HIPK2: variants seen among roughly 807,000 people sequenced by gnomAD.
The protein encoded by HIPK2 is homeodomain-interacting protein kinase 2.
Under a neutral mutation model 113.7 loss-of-function variants are expected in HIPK2, and 27 were observed. That is an observed-to-expected ratio of 0.24 (90% CI 0.17 to 0.33). The LOEUF (loss-of-function observed/expected upper bound fraction) is 0.33. HIPK2 is among the 10% of genes least tolerant of loss of function. The probability of loss-of-function intolerance (pLI) is 1.00; values close to 1 mark genes in which losing one functional copy is unlikely to be tolerated. For synonymous variants in HIPK2, 631 were observed against 642.2 expected (o/e 0.98, Z 0.26); for missense variants, 1,257 against 1,588.0 (o/e 0.79, Z 3.54).
At chr7:139,622,035 A>G (rs1800253226) in intron 6 of HIPK2, among the ~76,000 whole-genome samples, 2 of 152,232 alleles carry the variant, frequency 1.3e-5, no homozygotes, top group African/African-American at 4.8e-5. Context: ...GAGTAAAATA[A>G]AAGTTTTCTA....
intron 12 of HIPK2, 42 bp downstream of exon 12, chr7:139,596,675 C>G: frequency 6.3e-7 from 1 of 1,595,970 alleles, no homozygotes; most frequent in Non-Finnish European, 8.6e-7. Context: ...AATGCAAACC[C>G]TCCCGGCTCC....
rs372315402 is a variant in HIPK2 at position 139,618,231 on chromosome 7, CATA to C, written c.1782+2167_1782+2169del. ...ATGGTACGCTTAGTAAAGCCTGGCA[CATA>C]ATAAGTGTTAGCTATTAGTAATGAT... On this transcript the variant is annotated intron_variant, in intron 7 of 14. Transcript: ENST00000406875. Among the ~76,000 whole-genome samples, 707 of 152,270 alleles carry C rather than the reference CATA, an allele frequency of 4.6e-3. 4 individuals carry two copies. The highest frequency in any genetic ancestry group is 0.016 in the African/African-American group (658 of 41,534).
At chr7:139,676,856 T>G (rs1283851375) in intron 2 of HIPK2, among the ~76,000 whole-genome samples, 1 of 97,932 alleles carries the variant, frequency 1.0e-5, no homozygotes, top group Non-Finnish European at 2.4e-5. Flanking sequence ...GTATTTCTTT[T>G]TTTCTTTTTC....
Position 139,716,142 on chromosome 7 carries a change from A to T in HIPK2, c.893T>A (p.Leu298His), listed in dbSNP as rs369553560. The change falls in exon 2 of 15, where the codon CTC becomes CAC. Residue 298 changes from leucine to histidine, a missense_variant. Transcript: ENST00000406875. The surrounding 1 kb of genome is among the most constrained non-coding windows in gnomAD (Gnocchi z 9.3). ...CTGGAGAACTGGGCGAATGTATTTG[A>T]GGGGCAAGGGGCTAAACTTGTTTTG... ...LKQNKFSPLP[L>H]KYIRPVLQQV... The T allele has an allele frequency of 2.5e-6, 4 of 1,614,000 alleles. No homozygotes were observed. Among genetic ancestry groups the T allele is most frequent in the Non-Finnish European group, 3.4e-6 (4 of 1,179,896 alleles).
In HIPK2 at chr7:139,626,668, G is replaced by C; in HGVS notation, c.1552C>G (p.Pro518Ala). 3 of 1,613,972 alleles carry C rather than the reference G, an allele frequency of 1.9e-6. No homozygotes were observed. The highest frequency in any genetic ancestry group is 2.5e-6 in the Non-Finnish European group (3 of 1,179,882). Residue 518 changes from proline (P) to alanine (A), a missense_variant, in exon 6 of 15, where the codon CCA (proline) becomes GCA (alanine). By Grantham distance (27) the Pro-to-Ala change is conservative (BLOSUM62 -1). Transcript: ENST00000406875. ...LTIDADKRITPIETLNHPFVT... is the reference protein window; with the variant it reads ...LTIDADKRITAIETLNHPFVT... ...AAGGGATGGTTCAGGGTTTCGATTG[G>C]AGTGATTCTCTTGTCAGCATCAATG...
chr7:139,748,106 TA>T (rs1009546949), intron 1 of HIPK2, among the ~76,000 whole-genome samples: 1 of 152,096 alleles, frequency 6.6e-6, no homozygotes, highest in Non-Finnish European at 1.5e-5. Flanking sequence ...TTGCTTTCTC[TA>T]AAAAACTCAG....
intron 7 of HIPK2, among the ~76,000 whole-genome samples, chr7:139,615,105 AG>A (rs1215305168): frequency 6.6e-6 from 1 of 152,208 alleles, no homozygotes; most frequent in Non-Finnish European, 1.5e-5. Context: ...GGACAAATCC[AG>A]GGGGAGGCTC....
intron 7 of HIPK2, among the ~76,000 whole-genome samples, chr7:139,619,982 G>C (rs898739595): frequency 6.6e-6 from 1 of 152,086 alleles, no homozygotes; most frequent in Non-Finnish European, 1.5e-5. Flanking sequence ...GGCTACTCTT[G>C]AACTTCCTGG....
At chr7:139,634,148 A>G (rs1465651768) in intron 2 of HIPK2, among the ~76,000 whole-genome samples, 1 of 151,970 alleles carries the variant, frequency 6.6e-6, no homozygotes, top group African/African-American at 2.4e-5. Context: ...CTTTCCTCAC[A>G]ACTAGAGACT....
chr7:139,745,436 G>T (rs1796173740), intron 1 of HIPK2, among the ~76,000 whole-genome samples: 1 of 152,212 alleles, frequency 6.6e-6, no homozygotes, highest in South Asian at 2.1e-4. Flanking sequence ...ACTCCATGGG[G>T]AACCACTTGA....
At chr7:139,665,392 C>CT (rs1194872347) in intron 2 of HIPK2, among the ~76,000 whole-genome samples, 1 of 152,178 alleles carries the variant, frequency 6.6e-6, no homozygotes, top group Non-Finnish European at 1.5e-5. Context: ...AACCCTTCTT[C>CT]TTTTTTATCT....
rs1206936042 is a variant in HIPK2, at chr7:139,567,167, C to A, written c.*5760G>T. 6.6e-6 allele frequency: 1 copy of A among 152,062 alleles called. No homozygotes were observed. The highest frequency in any genetic ancestry group is 1.5e-5 in the Non-Finnish European group (1 of 68,042). 9.4% of individuals were successfully genotyped at this position (152,062 alleles called of 1,614,324 possible). A position where few individuals can be genotyped will look rare whatever the true frequency, so the allele number is the denominator to read the frequency against. ...TCTGTGGAGATGAGAAGTGAGAGTT[C>A]TAAGGCATCAAAGTGGAAAAGTACT... On this transcript the variant is annotated 3_prime_UTR_variant, in exon 15 of 15. Coordinates refer to ENST00000406875, the MANE Select transcript of HIPK2 (RefSeq NM_022740.5).
At chr7:139,669,489 C>T (rs12667987) in intron 2 of HIPK2, among the ~76,000 whole-genome samples, 2 of 152,004 alleles carry the variant, frequency 1.3e-5, no homozygotes, top group Non-Finnish European at 2.9e-5. Flanking sequence ...TGGTGAATGA[C>T]AAAATGAGAC....
At chr7:139,744,014 T>C (rs550258831) in intron 1 of HIPK2, among the ~76,000 whole-genome samples, 1 of 152,172 alleles carries the variant, frequency 6.6e-6, no homozygotes, top group African/African-American at 2.4e-5. Context: ...ATGGTCAATA[T>C]GCACAGGATG....
At chr7:139,711,551 G>C (rs532194121) in intron 2 of HIPK2, among the ~76,000 whole-genome samples, 44 of 152,118 alleles carry the variant, frequency 2.9e-4, no homozygotes, top group Non-Finnish European at 5.6e-4. Flanking sequence ...CTCTAGACAA[G>C]AATATTTTGA....
At chr7:139,673,885 T>TAAAAAAAAA (rs60905469) in intron 2 of HIPK2, among the ~76,000 whole-genome samples, 4 of 73,454 alleles carry the variant, frequency 5.4e-5, no homozygotes, top group East Asian at 7.5e-4. Context: ...CTATCTGTAC[T>TAAAAAAAAA]AAAAAAAAAA....
At chr7:139,741,563 G>C (rs1796099207) in intron 1 of HIPK2, among the ~76,000 whole-genome samples, 1 of 152,178 alleles carries the variant, frequency 6.6e-6, no homozygotes, top group Non-Finnish European at 1.5e-5. Context: ...GTGGCAGGCA[G>C]GTAGCTTGAG....
Position 139,731,094 on chromosome 7 carries a change from T to C in HIPK2, c.20-14079A>G, listed in dbSNP as rs548209147. Among the ~76,000 whole-genome samples, 11 of 152,364 alleles carry C rather than the reference T, an allele frequency of 7.2e-5. No homozygotes were observed. The East Asian group carries it at 2.1e-3, about 29-fold the overall frequency. On this transcript the variant is annotated intron_variant, in intron 1 of 14. Transcript: ENST00000406875. ...CTATTAATAGTTTGTGTTAATTTGT[T>C]ACAGTCACCCTATGAAACTAGTACC...
intron 1 of HIPK2, among the ~76,000 whole-genome samples, chr7:139,750,518 A>G (rs1038580760): frequency 6.6e-6 from 1 of 152,256 alleles, no homozygotes; most frequent in Non-Finnish European, 1.5e-5. Context: ...GTTAAAAAAA[A>G]GTAATAGTCT....
Sources: allele counts gnomAD v4.1 joint callset (sites outside exome capture counted in the v4.1 genomes callset), GRCh38; gene constraint gnomAD v4.1.1; non-coding constraint Gnocchi (gnomAD v3.1); transcripts MANE v1.5; gene names NCBI Gene and HGNC (gene_info 2026-07-23, HGNC 2026-07-21).